Variants in COPA observed in about 807,000 individuals in gnomAD.
COPA encodes the protein coat protein complex I subunit alpha.
COPA carries 10 observed loss-of-function variants against 158.7 expected under a neutral mutation model. That is an observed-to-expected ratio of 0.06 (90% CI 0.04 to 0.11). The LOEUF (loss-of-function observed/expected upper bound fraction) is 0.11, where lower values mean the gene tolerates loss of function less well. Ranked by LOEUF, COPA falls within the 10% of genes least tolerant of loss-of-function variation. COPA has a pLI of 1.00. For missense variants in COPA, 1,065 were observed against 1,536.7 expected (o/e 0.69, Z 5.13); for synonymous variants, 462 against 542.8 (o/e 0.85, Z 2.07).
At chr1:160,312,649 T>C (rs1659004826) in intron 10 of COPA, among the ~76,000 whole-genome samples, 1 of 152,174 alleles carries the variant, frequency 6.6e-6, no homozygotes, top group East Asian at 1.9e-4. Flanking sequence ...TAGAAGGCAA[T>C]ACACGATCTG....
rs187310977 is a variant in COPA, at chr1:160,316,830, A to G, written c.707-2705T>C. Among the ~76,000 whole-genome samples the G allele has an allele frequency of 5.6e-4, 85 of 152,300 alleles. 1 individual carries two copies. Among genetic ancestry groups the G allele is most frequent in the African/African-American group, 1.9e-3 (81 of 41,554 alleles). On this transcript the variant is annotated intron_variant, in intron 8 of 32. Transcript: ENST00000241704. The stretch of plus-strand genomic sequence containing the variant: ...CGTAGAAAGCTTATTCAAAGAAATA[A>G]TTACAGAAAATTTTCCAAAACTTGA...
At chr1:160,320,168 A>G (rs1659287467) in intron 8 of COPA, among the ~76,000 whole-genome samples, 1 of 152,182 alleles carries the variant, frequency 6.6e-6, no homozygotes, top group African/African-American at 2.4e-5. Context: ...GATCCAAATA[A>G]ATAAAATCAG....
intron 8 of COPA, among the ~76,000 whole-genome samples, chr1:160,315,237 C>G (rs1659092896): frequency 6.6e-6 from 1 of 152,178 alleles, no homozygotes; most frequent in African/African-American, 2.4e-5. Context: ...CCCCATCTTC[C>G]TGGGTGCCCT....
At chr1:160,325,508 G>A in intron 7 of COPA, 35 bp downstream of exon 7, 1 of 1,520,460 alleles carries the variant, frequency 6.6e-7, no homozygotes, top group Non-Finnish European at 9.1e-7. Flanking sequence ...CAAGATGACA[G>A]CCCATATTCA....
intron 3 of COPA, 56 bp from the exon 4 acceptor site, chr1:160,335,378 T>G: frequency 7.2e-7 from 1 of 1,394,168 alleles, no homozygotes; most frequent in Non-Finnish European, 9.9e-7. Flanking sequence ...TCTAAAAGGC[T>G]CAGAGAAATT....
At chr1:160,319,265 C>T (rs1400378748) in intron 8 of COPA, among the ~76,000 whole-genome samples, 1 of 151,734 alleles carries the variant, frequency 6.6e-6, no homozygotes, top group Non-Finnish European at 1.5e-5. Flanking sequence ...GACTACCAAA[C>T]CTAAGATTGT....
intron 6 of COPA, among the ~76,000 whole-genome samples, chr1:160,331,564 T>C (rs1049780267): frequency 6.6e-6 from 1 of 151,662 alleles, no homozygotes; most frequent in Non-Finnish European, 1.5e-5. Context: ...CAAGAAACGC[T>C]TGAATCCGGG....
At chr1:160,315,738 A>G (rs1659111323) in intron 8 of COPA, among the ~76,000 whole-genome samples, 1 of 152,258 alleles carries the variant, frequency 6.6e-6, no homozygotes, top group Non-Finnish European at 1.5e-5. Flanking sequence ...AATAAACAAT[A>G]GCAAACAGGG....
intron 8 of COPA, among the ~76,000 whole-genome samples, chr1:160,316,657 G>A (rs1659151331): frequency 1.3e-5 from 2 of 151,736 alleles, no homozygotes; most frequent in African/African-American, 2.4e-5. Flanking sequence ...GGCTGAGGGA[G>A]GAGAATCACT....
intron 32 of COPA, 92 bp from the exon 33 acceptor site, chr1:160,290,308 A>T (rs1210399414): frequency 1.6e-5 from 23 of 1,467,048 alleles, no homozygotes; most frequent in Non-Finnish European, 2.2e-5. Context: ...TGGGCACAGT[A>T]GACAGGTATT....
At chr1:160,341,106 T>C (rs1320788600) in intron 1 of COPA, among the ~76,000 whole-genome samples, 2 of 152,252 alleles carry the variant, frequency 1.3e-5, no homozygotes, top group Non-Finnish European at 2.9e-5. Context: ...TTTCATACAT[T>C]TTGTTCAGTT....
In COPA at chr1:160,289,932, G is replaced by A. The variant is rs1658167320; in HGVS notation, c.*225C>T. 2 of 509,316 alleles carry A rather than the reference G, an allele frequency of 3.9e-6. No homozygotes were observed. The highest frequency in any genetic ancestry group is 2.8e-5 in the South Asian group (1 of 35,948). 31.5% of individuals were successfully genotyped at this position (509,316 alleles called of 1,614,324 possible). A position where few individuals can be genotyped will look rare whatever the true frequency, so the allele number is the denominator to read the frequency against. On this transcript the variant is annotated 3_prime_UTR_variant, in exon 33 of 33. Transcript: ENST00000241704. ...TCCTTAAAATAATTAAGCTGGAAAG[G>A]CAAGGACAATTATGAGCACAACTGT...
intron 12 of COPA, among the ~76,000 whole-genome samples, chr1:160,309,478 T>C (rs1378181818): frequency 6.6e-6 from 1 of 151,864 alleles, no homozygotes. Context: ...GACCCTGATA[T>C]TCTGGTACCC....
At chr1:160,336,165 G>C (rs139243864) in intron 3 of COPA, among the ~76,000 whole-genome samples, 4,441 of 151,806 alleles carry the variant, frequency 0.029, 218 homozygotes, top group African/African-American at 0.1. Context: ...GGCCAACATG[G>C]GGAAACCCTG....
chr1:160,334,085 T>C (rs2101873553), intron 4 of COPA, among the ~76,000 whole-genome samples: 1 of 152,348 alleles, frequency 6.6e-6, no homozygotes, highest in African/African-American at 2.4e-5. Flanking sequence ...GACTTCTTTC[T>C]GTCCAGTTTC....
rs749747568 is a variant in COPA at position 160,293,273 on chromosome 1, T to A, written c.2755-39A>T. The stretch of plus-strand genomic sequence containing the variant: ...AAAAAACCCAAGCCAAGTGAAACTT[T>A]GTCCCTTCTCTATTCTCCTCTGTAA... On this transcript the variant is annotated intron_variant, in intron 26 of 32. Transcript: ENST00000241704. 34 of 1,613,454 alleles carry A rather than the reference T, an allele frequency of 2.1e-5. No individual in the cohort carries two copies. The South Asian group carries it at 3.5e-4, about 17-fold the overall frequency.
intron 11 of COPA, among the ~76,000 whole-genome samples, chr1:160,311,582 C>T (rs1245461339): frequency 2.0e-5 from 3 of 151,976 alleles, no homozygotes; most frequent in Admixed American, 6.6e-5. Context: ...ACCGTCTCTA[C>T]TAAAAAATAC....
At chr1:160,338,483 C>T (rs999149691) in intron 3 of COPA, among the ~76,000 whole-genome samples, 5 of 152,072 alleles carry the variant, frequency 3.3e-5, no homozygotes, top group Admixed American at 2.0e-4. Context: ...TTCACTGGTT[C>T]GGTTTGACAC....
Position 160,317,858 on chromosome 1 carries a change from ATTGT to A in COPA, c.707-3737_707-3734del, listed in dbSNP as rs550439067. ...TGAATTCTAGTGCTCATTATTCATT[ATTGT>A]TTATTTTCATTGTGCTGATTTTTGG... On this transcript the variant is annotated intron_variant, in intron 8 of 32. Coordinates refer to ENST00000241704, the MANE Select transcript of COPA (RefSeq NM_004371.4). 1.1e-3 allele frequency among the ~76,000 whole-genome samples: 167 copies of A among 152,150 alleles called. 1 individual carries two copies. The highest frequency in any genetic ancestry group is 3.9e-3 in the African/African-American group (162 of 41,504).
Sources: gnomAD v4.1 joint callset for allele counts (sites outside exome capture counted in the v4.1 genomes callset) on GRCh38, gnomAD v4.1.1 for gene constraint, MANE v1.5 for transcripts, NCBI Gene and HGNC (gene_info 2026-07-23, HGNC 2026-07-21) for gene names.